DISC1: variants seen among roughly 807,000 people sequenced by gnomAD.
DISC1 encodes DISC1 scaffold protein.
In DISC1, 57 loss-of-function variants were observed where a neutral mutation model predicts 84.5. The ratio of observed to expected loss-of-function variants is 0.67; its 90% CI spans 0.55 to 0.84. The LOEUF is 0.84. Among genes scored for constraint, DISC1 ranks in the 40% least tolerant of loss-of-function variants. The pLI is 0.00. For synonymous variants in DISC1, 411 were observed against 415.2 expected (o/e 0.99, Z 0.12); for missense variants, 1,000 against 1,057.8 (o/e 0.95, Z 0.76).
intron 1 of DISC1, among the ~76,000 whole-genome samples, chr1:231,658,559 T>G (rs1056357613): frequency 2.0e-5 from 3 of 152,216 alleles, no homozygotes; most frequent in Admixed American, 6.5e-5. Context: ...TTGGGCTGTT[T>G]TTCAAGGGGA....
At chr1:231,856,255 G>A (rs1428337071) in intron 9 of DISC1, among the ~76,000 whole-genome samples, 1 of 152,106 alleles carries the variant, frequency 6.6e-6, no homozygotes, top group African/African-American at 2.4e-5. Context: ...ATGCAGGGCA[G>A]AAACTGTGCA....
chr1:231,711,813 T>C (rs904622202), intron 3 of DISC1, among the ~76,000 whole-genome samples: 8 of 152,184 alleles, frequency 5.3e-5, no homozygotes, highest in Non-Finnish European at 1.0e-4. Context: ...GGCTTATTCT[T>C]TCAAACCTCT....
intron 3 of DISC1, chr1:231,702,569 A>C: frequency 1.0e-6 from 1 of 985,544 alleles, no homozygotes; most frequent in Non-Finnish European, 1.2e-6. Flanking sequence ...CATGGCCTAA[A>C]ATACCCAAGA....
chr1:232,011,523 T>C (rs1668016811), intron 11 of DISC1, among the ~76,000 whole-genome samples: 1 of 152,178 alleles, frequency 6.6e-6, no homozygotes, highest in Non-Finnish European at 1.5e-5. Flanking sequence ...ATGAGTGCCA[T>C]GGATTTTAAG....
rs544595539 is a variant in DISC1 at position 231,649,677 on chromosome 1, A to T, written c.67+22743A>T. Among the ~76,000 whole-genome samples, 19 of 152,162 alleles carry T rather than the reference A, an allele frequency of 1.2e-4. 1 individual carries two copies. Among genetic ancestry groups the T allele is most frequent in the African/African-American group, 4.6e-4 (19 of 41,504 alleles). Reference sequence around the variant, plus strand: ...GGGGTGTTAAAAGTCTCCCATTATTATTGTGTGGGAGTCTAAGTCTCTTTG... The same window carrying T: ...GGGGTGTTAAAAGTCTCCCATTATTTTTGTGTGGGAGTCTAAGTCTCTTTG... On this transcript the variant is annotated intron_variant, in intron 1 of 12. Transcript: ENST00000439617.
intron 8 of DISC1, among the ~76,000 whole-genome samples, chr1:231,808,027 A>G (rs1024194806): frequency 1.8e-4 from 28 of 152,150 alleles, no homozygotes; most frequent in African/African-American, 6.5e-4. Flanking sequence ...AGGACTTCCA[A>G]TGTATGGCCC....
intron 2 of DISC1, 44 bp from the exon 3 acceptor site, chr1:231,701,911 A>G (rs2066472470): frequency 6.7e-7 from 1 of 1,503,330 alleles, no homozygotes; most frequent in Non-Finnish European, 9.1e-7. Flanking sequence ...GTTTGCTTGA[A>G]TTCTATTGTA....
intron 9 of DISC1, among the ~76,000 whole-genome samples, chr1:231,896,641 C>G (rs976126224): frequency 6.6e-6 from 1 of 152,140 alleles, no homozygotes; most frequent in African/African-American, 2.4e-5. Flanking sequence ...GTATAAGTGG[C>G]TCAGGGACCC....
chr1:231,678,481 G>A (rs1263514245), intron 1 of DISC1, among the ~76,000 whole-genome samples: 1 of 152,206 alleles, frequency 6.6e-6, no homozygotes, highest in Admixed American at 6.5e-5. Context: ...CTCTCTAGGG[G>A]AGCATGAGTT....
At chr1:231,922,633 T>C (rs2090078190) in intron 9 of DISC1, among the ~76,000 whole-genome samples, 1 of 151,950 alleles carries the variant, frequency 6.6e-6, no homozygotes, top group African/African-American at 2.4e-5. Flanking sequence ...GTGATGCATT[T>C]GGGAATCACT....
At chr1:231,990,342 C>T (rs1665037497) in intron 10 of DISC1, among the ~76,000 whole-genome samples, 1 of 151,826 alleles carries the variant, frequency 6.6e-6, no homozygotes, top group East Asian at 1.9e-4. Flanking sequence ...GCACAGGTGG[C>T]CTGAAGACAT....
intron 9 of DISC1, among the ~76,000 whole-genome samples, chr1:231,875,614 C>A (rs552165600): frequency 3.4e-4 from 52 of 152,298 alleles, no homozygotes; most frequent in African/African-American, 9.4e-4. Context: ...TTCCCTCTAA[C>A]ACATCTAGGT....
intron 9 of DISC1, among the ~76,000 whole-genome samples, chr1:231,905,745 A>G (rs973068389): frequency 6.6e-6 from 1 of 152,110 alleles, no homozygotes; most frequent in African/African-American, 2.4e-5. Context: ...TTGTTATAAA[A>G]GGCATTATCA....
chr1:231,758,409 C>T (rs911844869), intron 4 of DISC1, among the ~76,000 whole-genome samples: 1 of 151,914 alleles, frequency 6.6e-6, no homozygotes, highest in African/African-American at 2.4e-5. Flanking sequence ...CCATGTGGGC[C>T]AGGTTTGGAT....
intron 2 of DISC1, among the ~76,000 whole-genome samples, chr1:231,697,491 G>T (rs1322994629): frequency 6.6e-6 from 1 of 152,050 alleles, no homozygotes; most frequent in Non-Finnish European, 1.5e-5. Flanking sequence ...CCAGGCTGGG[G>T]TGCAGTGGTG....
intron 9 of DISC1, chr1:231,866,632 G>A: frequency 6.3e-7 from 1 of 1,578,146 alleles, no homozygotes; most frequent in Non-Finnish European, 8.6e-7. Context: ...TCTGACTTCA[G>A]CCCCCAGCGC....
chr1:231,998,400 G>A (rs535669050), intron 10 of DISC1, among the ~76,000 whole-genome samples: 1 of 152,250 alleles, frequency 6.6e-6, no homozygotes, highest in African/African-American at 2.4e-5. Flanking sequence ...TCCGACCAAT[G>A]GGCTTAGTAG....
intron 3 of DISC1, among the ~76,000 whole-genome samples, chr1:231,730,788 A>T (rs990869704): frequency 6.6e-6 from 1 of 152,220 alleles, no homozygotes; most frequent in East Asian, 1.9e-4. Flanking sequence ...AGAATTGGTC[A>T]TTTATCAGCT....
intron 9 of DISC1, among the ~76,000 whole-genome samples, chr1:231,850,582 T>TAG (rs1231692343): frequency 6.6e-6 from 1 of 152,256 alleles, no homozygotes; most frequent in Non-Finnish European, 1.5e-5. Flanking sequence ...ATATCGATCC[T>TAG]GTACGAATGC....
Sources: gnomAD v4.1 joint callset for allele counts (sites outside exome capture counted in the v4.1 genomes callset) on GRCh38, gnomAD v4.1.1 for gene constraint, MANE v1.5 for transcripts, NCBI Gene and HGNC (gene_info 2026-07-23, HGNC 2026-07-21) for gene names.